Variants in GOSR2 observed in about 807,000 individuals in gnomAD.
The protein encoded by GOSR2 is golgi SNAP receptor complex member 2, also known as 27 kDa Golgi SNARE protein.
Under a neutral mutation model 27.9 loss-of-function variants are expected in GOSR2, and 20 were observed. The observed-to-expected ratio is 0.72, with a 90% confidence interval of 0.50 to 1.04. GOSR2 has a LOEUF of 1.04. Ranked by LOEUF, GOSR2 falls within the 50% of genes least tolerant of loss-of-function variation. The probability of loss-of-function intolerance (pLI) is 0.00; values close to 1 mark genes in which losing one functional copy is unlikely to be tolerated. For missense variants in GOSR2, 261 were observed against 270.5 expected (o/e 0.97, Z 0.25); for synonymous variants, 91 against 98.8 (o/e 0.92, Z 0.47).
intron 6 of GOSR2, among the ~76,000 whole-genome samples, chr17:46,954,580 G>C (rs1381154539): frequency 6.6e-6 from 1 of 152,214 alleles, no homozygotes; most frequent in East Asian, 1.9e-4. Flanking sequence ...TTGGTAGCTT[G>C]ATGGGGATGA....
At chr17:46,931,634 A>C (rs998559268) in intron 3 of GOSR2, 3 of 280,884 alleles carry the variant, frequency 1.1e-5, no homozygotes, top group Admixed American at 1.1e-4. Flanking sequence ...GCATGAAATT[A>C]AAATGAAACC....
intron 6 of GOSR2, among the ~76,000 whole-genome samples, chr17:46,963,283 G>A (rs553468951): frequency 1.3e-5 from 2 of 152,312 alleles, no homozygotes; most frequent in South Asian, 2.1e-4. Flanking sequence ...AGTGGCTCAC[G>A]CCTATAATCC....
At chr17:46,938,575 T>C (rs777148582) in intron 5 of GOSR2, 24 bp from the exon 6 acceptor site, 42 of 1,613,780 alleles carry the variant, frequency 2.6e-5, no homozygotes, top group Non-Finnish European at 3.6e-5. Flanking sequence ...TGTTTGTTTT[T>C]TTTTCTGTTC....
Position 46,938,847 on chromosome 17 carries a change from C to T in GOSR2, c.*87C>T. The T allele has an allele frequency of 6.2e-7, 1 of 1,600,338 alleles. No individual in the cohort carries two copies. Among genetic ancestry groups the T allele is most frequent in the South Asian group, 1.1e-5 (1 of 89,996 alleles). On this transcript the variant is annotated 3_prime_UTR_variant, in exon 6 of 6. Transcript: ENST00000640051. ...AGAGAGAGGGGGGCCCAGAGGCCGC[C>T]TTTTGAAATGTTTGCCTGTCTGAAC...
At chr17:46,970,495 A>G (rs2091379981), downstream of GOSR2, among the ~76,000 whole-genome samples, 1 of 147,962 alleles carries the variant, frequency 6.8e-6, no homozygotes, top group African/African-American at 2.5e-5. Flanking sequence ...AGCCGAGATC[A>G]AGCCACAGCA....
chr17:46,931,254 G>A (rs373232844), intron 3 of GOSR2, 47 bp downstream of exon 3: 122 of 914,526 alleles, frequency 1.3e-4, no homozygotes, highest in Non-Finnish European at 2.1e-4. Context: ...GGCCCATCAA[G>A]ACAGGCTTTT....
At position 46,938,772 on chromosome 17, in the gene GOSR2, T is replaced by C; in HGVS notation, c.*12T>C. The C allele has an allele frequency of 6.2e-7, 1 of 1,613,632 alleles. No individual in the cohort carries two copies. Among genetic ancestry groups the C allele is most frequent in the Non-Finnish European group, 8.5e-7 (1 of 1,179,870 alleles). On this transcript the variant is annotated 3_prime_UTR_variant, in exon 6 of 6. Transcript: ENST00000640051. ...AGTACCTGACATGAGCCAGCCACGC[T>C]CAGTGGCTGAACAGCATTCCCACAG...
chr17:46,946,748 A>G (rs904559140), downstream of GOSR2, among the ~76,000 whole-genome samples: 4 of 152,172 alleles, frequency 2.6e-5, no homozygotes, highest in East Asian at 1.9e-4. Flanking sequence ...CTGTAGTCCC[A>G]GCTACTTGGG....
chr17:46,944,357 C>G (rs773628083), downstream of GOSR2, among the ~76,000 whole-genome samples: 7 of 152,200 alleles, frequency 4.6e-5, no homozygotes, highest in Non-Finnish European at 1.0e-4. Context: ...AACCACGGGC[C>G]ACACACCTCT....
At chr17:46,952,026 T>TA (rs2090393370) in intron 6 of GOSR2, among the ~76,000 whole-genome samples, 1 of 152,238 alleles carries the variant, frequency 6.6e-6, no homozygotes. Flanking sequence ...TTCGTATATA[T>TA]TGCATCAGGG....
At chr17:46,956,095 C>T (rs115139845) in intron 6 of GOSR2, among the ~76,000 whole-genome samples, 66 of 152,124 alleles carry the variant, frequency 4.3e-4, no homozygotes, top group African/African-American at 1.4e-3. Flanking sequence ...AGAAGGTAGC[C>T]GGGAGCAGTT....
At chr17:46,972,179 T>A (rs756720296) in intron 6 of GOSR2, among the ~76,000 whole-genome samples, 1 of 152,202 alleles carries the variant, frequency 6.6e-6, no homozygotes, top group African/African-American at 2.4e-5. Context: ...ACCCTGGGGC[T>A]GGGCTGGGGC....
Position 46,958,076 on chromosome 17 carries a change from G to A in GOSR2, c.584-8458G>A, listed in dbSNP as rs984964265. 3.3e-5 allele frequency among the ~76,000 whole-genome samples: 5 copies of A among 152,142 alleles called. 1 individual carries two copies. The highest frequency in any genetic ancestry group is 2.0e-4 in the Admixed American group (3 of 15,284). On this transcript the variant is annotated intron_variant, in intron 6 of 6. Transcript: ENST00000573224. Reference sequence around the variant, plus strand: ...TCACTGGCCGGGGGTCACCTCACCCGTAACCCATGGAGAGTGGGTCTCCTC... The same window carrying A: ...TCACTGGCCGGGGGTCACCTCACCCATAACCCATGGAGAGTGGGTCTCCTC...
At chr17:46,967,501 G>C (rs908574027), downstream of GOSR2, among the ~76,000 whole-genome samples, 2 of 152,182 alleles carry the variant, frequency 1.3e-5, no homozygotes, top group Non-Finnish European at 2.9e-5. Flanking sequence ...GTCTTGGAGG[G>C]TAAGTAGTTC....
At chr17:46,929,152 A>T (rs1297489785) in intron 1 of GOSR2, among the ~76,000 whole-genome samples, 2 of 152,134 alleles carry the variant, frequency 1.3e-5, no homozygotes, top group African/African-American at 4.8e-5. Context: ...AGAAAGTAGG[A>T]TTGGCCGGGT....
At chr17:46,961,211 C>G (rs1407924434) in intron 6 of GOSR2, among the ~76,000 whole-genome samples, 1 of 151,986 alleles carries the variant, frequency 6.6e-6, no homozygotes, top group Non-Finnish European at 1.5e-5. Context: ...ACTAAAAAAA[C>G]AGAAATAATA....
Position 46,940,851 on chromosome 17 carries a change from C to A in GOSR2, c.*2091C>A. The A allele has an allele frequency of 6.9e-7, 1 of 1,442,260 alleles. No homozygotes were observed. The highest frequency in any genetic ancestry group is 9.1e-7 in the Non-Finnish European group (1 of 1,100,126). 89.3% of individuals were successfully genotyped at this position (1,442,260 alleles called of 1,614,324 possible). ...GACAGCAGCCAGTGTGTCTGGACAC[C>A]CAGGGGCATTGAGACTGCATGTTGT... On this transcript the variant is annotated 3_prime_UTR_variant, in exon 6 of 6. Coordinates refer to ENST00000640051, the MANE Select transcript of GOSR2 (RefSeq NM_004287.5).
At chr17:46,926,299 G>GT (rs1349819529) in intron 1 of GOSR2, among the ~76,000 whole-genome samples, 1 of 152,168 alleles carries the variant, frequency 6.6e-6, no homozygotes, top group African/African-American at 2.4e-5. Context: ...ACATGATGCT[G>GT]TGTAGGTTAC....
chr17:46,932,191 A>G lies in GOSR2; in HGVS notation c.328A>G (p.Thr110Ala), dbSNP rs1045876108. Residue 110 changes from threonine to alanine, a missense_variant, in exon 4 of 6, where the codon ACC becomes GCC. Thr to Ala is a moderately conservative substitution (Grantham distance 58). Coordinates refer to ENST00000640051, the MANE Select transcript of GOSR2 (RefSeq NM_004287.5). ...QREELLSRTFTTNDSDTTIPM... is the reference protein window; with the variant it reads ...QREELLSRTFATNDSDTTIPM... ...AGAAGAGCTTCTGTCTCGAACCTTC[A>G]CCACTAACGTAAGCCAGGCCCGTGG... 1 of 1,614,020 alleles carries G rather than the reference A, an allele frequency of 6.2e-7. No individual in the cohort carries two copies. The highest frequency in any genetic ancestry group is 1.7e-5 in the Admixed American group (1 of 60,012).
Sources: gnomAD v4.1 joint callset for allele counts (sites outside exome capture counted in the v4.1 genomes callset) on GRCh38, gnomAD v4.1.1 for gene constraint, MANE v1.5 for transcripts, NCBI Gene and HGNC (gene_info 2026-07-23, HGNC 2026-07-21) for gene names.